Variants in HDLBP observed in about 807,000 individuals in gnomAD.
The protein encoded by HDLBP is high density lipoprotein binding protein, also known as vigilin.
In HDLBP, 30 loss-of-function variants were observed where a neutral mutation model predicts 137.3. That is an observed-to-expected ratio of 0.22 (90% CI 0.16 to 0.30). The LOEUF is 0.30. Ranked by LOEUF, HDLBP falls within the 10% of genes least tolerant of loss-of-function variation. The probability of loss-of-function intolerance (pLI) is 1.00; values close to 1 mark genes in which losing one functional copy is unlikely to be tolerated. For missense variants in HDLBP, 1,119 were observed against 1,667.3 expected (o/e 0.67, Z 5.73); for synonymous variants, 606 against 596.0 (o/e 1.02, Z -0.24).
intron 1 of HDLBP, among the ~76,000 whole-genome samples, chr2:241,273,965 A>G (rs1350898322): frequency 6.6e-6 from 1 of 152,086 alleles, no homozygotes; most frequent in Non-Finnish European, 1.5e-5. Context: ...GGTGGGCATA[A>G]TGGAGGAAAT....
At chr2:241,305,843 T>G (rs930152654) in intron 1 of HDLBP, among the ~76,000 whole-genome samples, 1 of 150,870 alleles carries the variant, frequency 6.6e-6, no homozygotes, top group Non-Finnish European at 1.5e-5. Context: ...CACTGCAAAG[T>G]TCCGCCTCCC....
chr2:241,247,378 C>T (rs1403544961), intron 14 of HDLBP: 1 of 531,766 alleles, frequency 1.9e-6, no homozygotes, highest in Non-Finnish European at 3.4e-6. Flanking sequence ...AGTTCATGTC[C>T]CATGCCAGGA....
At chr2:241,300,947 ATACTAT>A (rs2075373214) in intron 1 of HDLBP, among the ~76,000 whole-genome samples, 1 of 138,658 alleles carries the variant, frequency 7.2e-6, no homozygotes, top group African/African-American at 2.9e-5. Context: ...TCATGCACAC[ATACTAT>A]TATTATTATT....
intron 24 of HDLBP, among the ~76,000 whole-genome samples, chr2:241,232,387 C>T (rs1254596918): frequency 1.3e-5 from 2 of 151,996 alleles, no homozygotes; most frequent in South Asian, 2.1e-4. Flanking sequence ...GCGATTCTCA[C>T]GTCTCAGTCT....
rs1320927569 is a variant in HDLBP, at chr2:241,227,646, A to G, written c.*1955T>C. 2 of 152,700 alleles carry G rather than the reference A, an allele frequency of 1.3e-5. No individual in the cohort carries two copies. Among genetic ancestry groups the G allele is most frequent in the Non-Finnish European group, 2.9e-5 (2 of 68,068 alleles). The allele number at this position is 152,700 out of a possible 1,614,324, so 9.5% of individuals were successfully genotyped here. A position where few individuals can be genotyped will look rare whatever the true frequency, so the allele number is the denominator to read the frequency against. ...CATCAAGCGACATACAGAGATGTGCAAAACTTGGTGAGAATTAAAATTGAC... is the reference window on the plus strand; with the variant it reads ...CATCAAGCGACATACAGAGATGTGCGAAACTTGGTGAGAATTAAAATTGAC... On this transcript the variant is annotated 3_prime_UTR_variant, in exon 28 of 28. Coordinates refer to ENST00000310931, the MANE Select transcript of HDLBP (RefSeq NM_005336.6).
intron 1 of HDLBP, among the ~76,000 whole-genome samples, chr2:241,301,306 C>A (rs781507456): frequency 6.6e-6 from 1 of 152,068 alleles, no homozygotes; most frequent in East Asian, 1.9e-4. Flanking sequence ...CTGATTTAAA[C>A]CAATGCTATA....
chr2:241,291,803 ACAATCACAAGTGTCCTT>A (rs1361170169), intron 1 of HDLBP, among the ~76,000 whole-genome samples: 2 of 152,348 alleles, frequency 1.3e-5, no homozygotes, highest in Middle Eastern at 3.4e-3. Context: ...GGACGTAACC[ACAATCACAAGTGTCCTT>A]TAGATCATGT....
chr2:241,242,355 C>T, intron 17 of HDLBP, 105 bp downstream of exon 17: 1 of 959,694 alleles, frequency 1.0e-6, no homozygotes, highest in Non-Finnish European at 1.6e-6. Context: ...GTTTTCTGAC[C>T]CGCCACAAAG....
At chr2:241,265,740 G>A (rs919202839) in intron 3 of HDLBP, among the ~76,000 whole-genome samples, 1 of 152,210 alleles carries the variant, frequency 6.6e-6, no homozygotes, top group Non-Finnish European at 1.5e-5. Flanking sequence ...CCCAAGTCCA[G>A]GCCCATCGCT....
chr2:241,268,620 C>A, intron 1 of HDLBP, 79 bp from the exon 2 acceptor site: 2 of 423,266 alleles, frequency 4.7e-6, no homozygotes, highest in Non-Finnish European at 6.3e-6. Context: ...CAACTCAGAT[C>A]TTTTTACCTC....
At chr2:241,297,096 C>T (rs1009428591) in intron 1 of HDLBP, among the ~76,000 whole-genome samples, 8 of 140,530 alleles carry the variant, frequency 5.7e-5, no homozygotes, top group South Asian at 5.0e-4. Flanking sequence ...AAAAAGAGAG[C>T]GTGTAGGACT....
intron 1 of HDLBP, among the ~76,000 whole-genome samples, chr2:241,270,441 G>A (rs960213598): frequency 6.6e-6 from 1 of 152,182 alleles, no homozygotes; most frequent in African/African-American, 2.4e-5. Context: ...CTAGGGTTCT[G>A]GTATCATCAA....
In HDLBP at chr2:241,253,029, G is replaced by C; in HGVS notation, c.1300C>G (p.Arg434Gly). The C allele has an allele frequency of 6.2e-7, 1 of 1,604,026 alleles. No individual in the cohort carries two copies. Among genetic ancestry groups the C allele is most frequent in the Non-Finnish European group, 8.5e-7 (1 of 1,171,492 alleles). ...ATGTTGATCTCCACATAGTCCATCC[G>C]GTTAATCTGCAGGAGGAGCACAGAG... is the stretch of plus-strand genomic sequence containing the variant. The part of the protein sequence containing the change: ...IEGMVKDLIN[R>G]MDYVEINIDH... The change falls in exon 11 of 28, where the codon CGG (arginine) becomes GGG (glycine). Residue 434 changes from arginine to glycine, a missense_variant. Physicochemically the swap from Arg to Gly is moderately radical, Grantham distance 125. Coordinates refer to ENST00000310931, the MANE Select transcript of HDLBP (RefSeq NM_005336.6).
intron 4 of HDLBP, 112 bp from the exon 5 acceptor site, chr2:241,263,038 G>T: frequency 1.2e-6 from 1 of 801,508 alleles, no homozygotes; most frequent in Non-Finnish European, 2.0e-6. Context: ...GCCCCACCCT[G>T]CCCACAGGCA....
chr2:241,292,190 A>AC (rs554294558), intron 1 of HDLBP, among the ~76,000 whole-genome samples: 68 of 99,628 alleles, frequency 6.8e-4, no homozygotes, highest in African/African-American at 2.4e-3. Flanking sequence ...ACTGCCCCCC[A>AC]CCCCCCCAAC....
intron 22 of HDLBP, 107 bp from the exon 23 acceptor site, chr2:241,235,362 A>T: frequency 1.3e-6 from 2 of 1,538,054 alleles, no homozygotes; most frequent in East Asian, 4.5e-5. Flanking sequence ...CCCGCCGTGA[A>T]GGGAAGTCAG....
intron 16 of HDLBP, among the ~76,000 whole-genome samples, chr2:241,246,222 A>G (rs966355712): frequency 4.6e-5 from 7 of 151,038 alleles, no homozygotes; most frequent in Non-Finnish European, 7.4e-5. Flanking sequence ...ATCCAAAAGC[A>G]TCTACTGTGG....
rs567893334 is a variant in HDLBP at position 241,301,209 on chromosome 2, G to C, written c.-103+14361C>G. Among the ~76,000 whole-genome samples, 4 of 149,904 alleles carry C rather than the reference G, an allele frequency of 2.7e-5. No homozygotes were observed. The South Asian group carries it at 6.4e-4, about 24-fold the overall frequency. On this transcript the variant is annotated intron_variant, in intron 1 of 27. Transcript: ENST00000310931. ...TCATCGTGTTAGCCAGGATGGTCTC[G>C]ATCTCCTGACCTCGTGATCTGCCCA...
chr2:241,292,188 C>A (rs891277824), intron 1 of HDLBP, among the ~76,000 whole-genome samples: 1 of 151,718 alleles, frequency 6.6e-6, no homozygotes, highest in African/African-American at 2.4e-5. Context: ...CCACTGCCCC[C>A]CACCCCCCCA....
Sources: gnomAD v4.1 joint callset for allele counts (sites outside exome capture counted in the v4.1 genomes callset) on GRCh38, gnomAD v4.1.1 for gene constraint, MANE v1.5 for transcripts, NCBI Gene and HGNC (gene_info 2026-07-23, HGNC 2026-07-21) for gene names.